KIF3C: variants seen among roughly 807,000 people sequenced by gnomAD.
The protein encoded by KIF3C is kinesin family member 3C.
Under a neutral mutation model 67.7 loss-of-function variants are expected in KIF3C, and 12 were observed. That is an observed-to-expected ratio of 0.18 (90% confidence interval 0.11 to 0.29). The LOEUF (loss-of-function observed/expected upper bound fraction) is 0.29. Ranked by LOEUF, KIF3C falls within the 10% of genes least tolerant of loss-of-function variation. The pLI is 1.00. For synonymous variants in KIF3C, 393 were observed against 426.2 expected, an observed-to-expected ratio of 0.92 and a Z score of 0.96; for missense variants, 789 against 1,059.6, an observed-to-expected ratio of 0.74 and a Z score of 3.55.
chr2:25,963,602 G>T (rs1664063547), intron 1 of KIF3C, among the ~76,000 whole-genome samples: 1 of 151,600 alleles, frequency 6.6e-6, no homozygotes, highest in Non-Finnish European at 1.5e-5. Context: ...TCATTCTAAT[G>T]ACTTAAACTA....
At chr2:25,950,234 T>C (rs1407444122) in intron 5 of KIF3C, among the ~76,000 whole-genome samples, 2 of 150,318 alleles carry the variant, frequency 1.3e-5, no homozygotes, top group Non-Finnish European at 3.0e-5. Flanking sequence ...TTTTTTTTTT[T>C]GAGACGGAGT....
At chr2:25,947,444 G>A (rs1208914634) in intron 5 of KIF3C, among the ~76,000 whole-genome samples, 1 of 151,728 alleles carries the variant, frequency 6.6e-6, no homozygotes, top group East Asian at 1.9e-4. Flanking sequence ...AGCCGGGTGT[G>A]GTGGCAGGCA....
At chr2:25,959,852 A>G (rs981423726) in intron 1 of KIF3C, among the ~76,000 whole-genome samples, 1 of 152,024 alleles carries the variant, frequency 6.6e-6, no homozygotes, top group Admixed American at 6.6e-5. Context: ...GGTGTGAGAG[A>G]AAAGAGAAGA....
In KIF3C at chr2:25,955,484, G is replaced by A; in HGVS notation, c.1770+57C>T. The A allele has an allele frequency of 1.3e-6, 2 of 1,598,406 alleles. No homozygotes were observed. The highest frequency in any genetic ancestry group is 1.7e-5 in the Admixed American group (1 of 59,306). Reference sequence around the variant, plus strand: ...GGAGTCCCTGAAGCACACATCCCTTGGGCAGAGACTGCTGGGCCTCCAGCA... The same window carrying A: ...GGAGTCCCTGAAGCACACATCCCTTAGGCAGAGACTGCTGGGCCTCCAGCA... On this transcript the variant is annotated intron_variant, in intron 3 of 7. Coordinates refer to ENST00000264712, the MANE Select transcript of KIF3C (RefSeq NM_002254.8). The surrounding 1 kb of genome is among the most constrained non-coding windows in gnomAD (Gnocchi z 5.0).
rs752919675 is a variant in KIF3C at position 25,929,942 on chromosome 2, C to T, written c.2115+13G>A. The T allele has an allele frequency of 1.3e-6, 2 of 1,588,122 alleles. No homozygotes were observed. The highest frequency in any genetic ancestry group is 1.7e-6 in the Non-Finnish European group (2 of 1,156,368). On this transcript the variant is annotated intron_variant, in intron 6 of 7. Transcript: ENST00000264712. ...CCCTCCCGTAGGCTCTTTCTCCCCTCTCCGCTTCTTACCCTGTACCTGGGG... is the reference window on the plus strand; with the variant it reads ...CCCTCCCGTAGGCTCTTTCTCCCCTTTCCGCTTCTTACCCTGTACCTGGGG...
At chr2:25,929,676 T>G (rs780604356) in intron 6 of KIF3C, among the ~76,000 whole-genome samples, 199 bp from the exon 7 acceptor site, 8 of 150,964 alleles carry the variant, frequency 5.3e-5, no homozygotes, top group African/African-American at 1.5e-4. Flanking sequence ...AGTGCAGTGG[T>G]GCAATCTCGG....
At chr2:25,957,517 C>T (rs1252229109) in intron 1 of KIF3C, among the ~76,000 whole-genome samples, 1 of 152,110 alleles carries the variant, frequency 6.6e-6, no homozygotes, top group African/African-American at 2.4e-5. Flanking sequence ...CCCAGTTGTC[C>T]TCTGGCTTCA....
intron 1 of KIF3C, among the ~76,000 whole-genome samples, chr2:25,970,592 G>A (rs984971504): frequency 2.0e-5 from 3 of 150,364 alleles, no homozygotes; most frequent in African/African-American, 4.9e-5. Context: ...GGTTGAACCC[G>A]GGAGGTGGAG....
At chr2:25,945,763 TCAA>T (rs1663416168) in intron 5 of KIF3C, among the ~76,000 whole-genome samples, 2 of 151,762 alleles carry the variant, frequency 1.3e-5, no homozygotes, top group African/African-American at 2.4e-5. Context: ...AGACTCCATC[TCAA>T]CAACAACAGC....
intron 1 of KIF3C, among the ~76,000 whole-genome samples, chr2:25,959,624 G>C (rs1222985372): frequency 2.0e-5 from 3 of 152,070 alleles, no homozygotes; most frequent in Non-Finnish European, 4.4e-5. Flanking sequence ...ATTTTTAGTA[G>C]AGATGGGGTT....
At chr2:25,964,438 T>C (rs745636938) in intron 1 of KIF3C, among the ~76,000 whole-genome samples, 4 of 152,178 alleles carry the variant, frequency 2.6e-5, no homozygotes, top group African/African-American at 4.8e-5. Flanking sequence ...CAACATACTC[T>C]ATATTGTGTT....
chr2:25,981,520 C>A lies in KIF3C; in HGVS notation c.398G>T (p.Arg133Leu). 1 of 1,614,136 alleles carries A rather than the reference C, an allele frequency of 6.2e-7. No individual in the cohort carries two copies. The highest frequency in any genetic ancestry group is 2.2e-5 in the East Asian group (1 of 44,880). The change falls in exon 1 of 8, where the codon CGC (arginine) becomes CTC (leucine). Residue 133 changes from arginine (R) to leucine (L), a missense_variant. Arg to Leu is a moderately radical substitution (Grantham distance 102). Around this residue, in one of 2 missense-constraint regions of KIF3C, gnomAD observed 141 missense variants for 251.8 expected, o/e 0.56. Coordinates refer to ENST00000264712, the MANE Select transcript of KIF3C (RefSeq NM_002254.8). The surrounding 1 kb of genome is among the most constrained non-coding windows in gnomAD (Gnocchi z 8.2). Reference sequence around the variant, plus strand: ...GACCAGGTACTGTTGGTTCTGGGAGCGGGAGATGTGGGTGAAGATGTGCTC... The same window carrying A: ...GACCAGGTACTGTTGGTTCTGGGAGAGGGAGATGTGGGTGAAGATGTGCTC... The part of the protein sequence containing the change: ...AFEHIFTHIS[R>L]SQNQQYLVRA...
At chr2:25,979,155 T>C (rs1461053482) in intron 1 of KIF3C, among the ~76,000 whole-genome samples, 1 of 152,198 alleles carries the variant, frequency 6.6e-6, no homozygotes, top group African/African-American at 2.4e-5. Context: ...TCCTGTGTCC[T>C]TCCTTCCACC....
At chr2:25,951,114 A>G (rs535099165) in intron 5 of KIF3C, among the ~76,000 whole-genome samples, 1 of 152,164 alleles carries the variant, frequency 6.6e-6, no homozygotes, top group South Asian at 2.1e-4. Flanking sequence ...CTCTCTCTAT[A>G]TATTTGCAAT....
In KIF3C at chr2:25,927,396, T is replaced by C. The variant is rs2090420330; in HGVS notation, c.*1582A>G. ...ATAATCTCTTGGGCTCTGATGAAAA[T>C]TGTGATTTCCTGGAAGGACAGGAGC... is the stretch of plus-strand genomic sequence containing the variant. On this transcript the variant is annotated 3_prime_UTR_variant, in exon 8 of 8. Coordinates refer to ENST00000264712, the MANE Select transcript of KIF3C (RefSeq NM_002254.8). 1 of 152,260 alleles carries C rather than the reference T, an allele frequency of 6.6e-6. No homozygotes were observed. The highest frequency in any genetic ancestry group is 1.5e-5 in the Non-Finnish European group (1 of 68,034). The allele number at this position is 152,260 out of a possible 1,614,324, so 9.4% of individuals were successfully genotyped here. A position where few individuals can be genotyped will look rare whatever the true frequency, so the allele number is the denominator to read the frequency against.
At chr2:25,962,604 C>T (rs896772648) in intron 1 of KIF3C, among the ~76,000 whole-genome samples, 8 of 148,616 alleles carry the variant, frequency 5.4e-5, no homozygotes, top group Admixed American at 2.8e-4. Context: ...CTTGAACTCC[C>T]GACCTATGGT....
intron 1 of KIF3C, among the ~76,000 whole-genome samples, chr2:25,971,095 A>AC (rs1300785847): frequency 6.6e-6 from 1 of 151,986 alleles, no homozygotes; most frequent in East Asian, 1.9e-4. Flanking sequence ...ACATGGTGAA[A>AC]CCCCGTCTTT....
chr2:25,946,511 A>C (rs1299111256), intron 5 of KIF3C, among the ~76,000 whole-genome samples: 1 of 152,172 alleles, frequency 6.6e-6, no homozygotes, highest in African/African-American at 2.4e-5. Flanking sequence ...AACATGGTGA[A>C]ACCCAGTCCC....
Position 25,941,645 on chromosome 2 carries a change from T to TA in KIF3C, c.2006+10143dup, listed in dbSNP as rs201316365. 4.8e-3 allele frequency among the ~76,000 whole-genome samples: 722 copies of TA among 151,938 alleles called. 4 individuals carry two copies. Among genetic ancestry groups the TA allele is most frequent in the African/African-American group, 0.017 (694 of 41,426 alleles). ...TGGTGGCTCACGCCTGTAATCTCAA[T>TA]ACTTTGGGAGGCTGAGATGGGGGTA... On this transcript the variant is annotated intron_variant, in intron 5 of 7. Coordinates refer to ENST00000264712, the MANE Select transcript of KIF3C (RefSeq NM_002254.8).
Sources: allele counts gnomAD v4.1 joint callset (sites outside exome capture counted in the v4.1 genomes callset), GRCh38; gene constraint gnomAD v4.1.1; regional missense constraint gnomAD v4.1.1; non-coding constraint Gnocchi (gnomAD v3.1); transcripts MANE v1.5; gene names NCBI Gene and HGNC (gene_info 2026-07-23, HGNC 2026-07-21).